Variants in TRIM25 observed in about 807,000 individuals in gnomAD.
TRIM25 encodes tripartite motif containing 25.
In TRIM25, 45 loss-of-function variants were observed where a neutral mutation model predicts 65.2. The ratio of observed to expected loss-of-function variants is 0.69; its 90% CI spans 0.54 to 0.89. The LOEUF is 0.89. Ranked by LOEUF, TRIM25 falls within the 40% of genes least tolerant of loss-of-function variation. TRIM25 has a pLI of 0.00. For synonymous variants in TRIM25, 321 were observed against 340.4 expected, an observed-to-expected ratio of 0.94 and a Z score of 0.63; for missense variants, 714 against 803.7, an observed-to-expected ratio of 0.89 and a Z score of 1.35.
At chr17:56,893,460 G>A (rs942788429) in intron 8 of TRIM25, among the ~76,000 whole-genome samples, 1 of 152,224 alleles carries the variant, frequency 6.6e-6, no homozygotes. Flanking sequence ...GCCTCTCTTG[G>A]GGGGCAGGGA....
Position 56,908,467 on chromosome 17 carries a change from C to T in TRIM25, c.693+1G>A. 2 of 1,613,702 alleles carry T rather than the reference C, an allele frequency of 1.2e-6. No individual in the cohort carries two copies. Among genetic ancestry groups the T allele is most frequent in the Non-Finnish European group, 1.7e-6 (2 of 1,180,030 alleles). ...TGGCCTTGGAGAGCCCTGCCACTCACCCGCACATCCTGCTGCCTGTTTCTC... is the reference window on the plus strand; with the variant it reads ...TGGCCTTGGAGAGCCCTGCCACTCATCCGCACATCCTGCTGCCTGTTTCTC... On this transcript the variant is annotated splice_donor_variant, in intron 2 of 8. Coordinates refer to ENST00000316881, the MANE Select transcript of TRIM25 (RefSeq NM_005082.5). LOFTEE classifies it high-confidence loss of function.
chr17:56,906,774 C>T (rs1008275318), intron 2 of TRIM25, among the ~76,000 whole-genome samples: 1 of 152,226 alleles, frequency 6.6e-6, no homozygotes, highest in East Asian at 1.9e-4. Context: ...GGATTACAGG[C>T]GTGAGCCATT....
At position 56,913,479 on chromosome 17, in the gene TRIM25, C is replaced by T; in HGVS notation, c.510G>A (p.Glu170=). The T allele has an allele frequency of 6.2e-7, 1 of 1,613,302 alleles. No individual in the cohort carries two copies. The highest frequency in any genetic ancestry group is 8.5e-7 in the Non-Finnish European group (1 of 1,179,558). Residue 170 remains glutamate (E), a synonymous_variant, in exon 1 of 9, where the codon GAG becomes GAA. Coordinates refer to ENST00000316881, the MANE Select transcript of TRIM25 (RefSeq NM_005082.5). The surrounding 1 kb of genome is among the most constrained non-coding windows in gnomAD (Gnocchi z 6.1). ...HNRLREFFCP[E]HSECICHICL... is the part of the protein sequence containing the mutation. ...AGATGTGGCAGATGCACTCGCTGTG[C>T]TCGGGGCAGAAAAATTCCCGCAGCC...
In TRIM25 at chr17:56,891,590, C is replaced by T. The variant is rs1262919541; in HGVS notation, c.*110G>A. On this transcript the variant is annotated 3_prime_UTR_variant, in exon 9 of 9. Coordinates refer to ENST00000316881, the MANE Select transcript of TRIM25 (RefSeq NM_005082.5). ...TCCCGCCAGCTCCCCTCCCATGCTC[C>T]CAATCCTTGGGACCTCTTGGGGAAT... The T allele has an allele frequency of 1.6e-6, 2 of 1,284,520 alleles. No individual in the cohort carries two copies. The highest frequency in any genetic ancestry group is 5.0e-5 in the East Asian group (2 of 39,976). The allele number at this position is 1,284,520 out of a possible 1,614,324, so 79.6% of individuals were successfully genotyped here. A position where few individuals can be genotyped will look rare whatever the true frequency, so the allele number is the denominator to read the frequency against.
chr17:56,900,455 T>A (rs1361643373), intron 4 of TRIM25, among the ~76,000 whole-genome samples: 1 of 151,974 alleles, frequency 6.6e-6, no homozygotes, highest in African/African-American at 2.4e-5. Context: ...TATACGGGGA[T>A]CCCAAGGAAG....
intron 3 of TRIM25, among the ~76,000 whole-genome samples, chr17:56,902,262 C>T (rs907995970): frequency 6.6e-6 from 1 of 152,222 alleles, no homozygotes; most frequent in South Asian, 2.1e-4. Flanking sequence ...TCCCCACCCC[C>T]TGATCTGAAC....
intron 1 of TRIM25, among the ~76,000 whole-genome samples, chr17:56,909,707 A>G (rs1342992727): frequency 1.3e-5 from 2 of 151,720 alleles, no homozygotes; most frequent in Non-Finnish European, 2.9e-5. Context: ...AAAAAGATGA[A>G]GTAGCTCACA....
intron 4 of TRIM25, 132 bp from the exon 5 acceptor site, chr17:56,899,312 C>A: frequency 2.5e-6 from 2 of 802,888 alleles, no homozygotes; most frequent in Non-Finnish European, 2.0e-6. Context: ...CCCATCCCAT[C>A]GCTTACAAGA....
At chr17:56,897,529 A>G (rs1909318503) in intron 5 of TRIM25, among the ~76,000 whole-genome samples, 1 of 152,090 alleles carries the variant, frequency 6.6e-6, no homozygotes, top group Non-Finnish European at 1.5e-5. Flanking sequence ...TGGGAGGCCC[A>G]GGCTGTGACA....
chr17:56,913,318 A>G lies in TRIM25; in HGVS notation c.597+74T>C, dbSNP rs1909665307. The G allele has an allele frequency of 7.2e-7, 1 of 1,397,192 alleles. No homozygotes were observed. The highest frequency in any genetic ancestry group is 9.6e-7 in the Non-Finnish European group (1 of 1,042,092). The allele number at this position is 1,397,192 out of a possible 1,614,324, so 86.5% of individuals were successfully genotyped here. The stretch of plus-strand genomic sequence containing the variant: ...CCCCAGGGCGTCCAGAGTGTGGCAG[A>G]GAGGCCCCCGGTGGCCCCTCTGCAC... On this transcript the variant is annotated intron_variant, in intron 1 of 8. Transcript: ENST00000316881. This position sits in a 1 kb window ranked among gnomAD's most constrained non-coding sequence, Gnocchi z 6.1.
At chr17:56,907,741 G>C (rs561755901) in intron 2 of TRIM25, among the ~76,000 whole-genome samples, 6 of 152,282 alleles carry the variant, frequency 3.9e-5, no homozygotes. Flanking sequence ...ACCAGAACCT[G>C]TGACTGTAAT....
chr17:56,902,313 A>G (rs192832402), intron 3 of TRIM25, among the ~76,000 whole-genome samples: 3 of 152,324 alleles, frequency 2.0e-5, no homozygotes, highest in African/African-American at 7.2e-5. Context: ...AGGTCACTCA[A>G]TCAATGGGGC....
intron 5 of TRIM25, 188 bp downstream of exon 5, chr17:56,898,927 C>A: frequency 1.6e-6 from 1 of 609,748 alleles, no homozygotes. Context: ...CCCAAACGTG[C>A]AATGCTGATG....
intron 4 of TRIM25, 102 bp from the exon 5 acceptor site, chr17:56,899,282 A>T (rs1909363179): frequency 1.2e-5 from 14 of 1,175,252 alleles, no homozygotes; most frequent in Middle Eastern, 1.9e-4. Flanking sequence ...TTACACAGAC[A>T]GCCATTTCCT....
rs1909677082 is a variant in TRIM25, at chr17:56,913,706, GGGCGGGCGGCGTCCAGACGTC to G, written c.262_282del (p.Asp88_Ala94del). ...GCATTCGGGCTGGGTGCAGAGGCGC[GGGCGGGCGGCGTCCAGACGTC>G]GGCGGGTGGCTCCCGGGCCAGGTCG... On this transcript the variant is annotated inframe_deletion, in exon 1 of 9. Transcript: ENST00000316881. The surrounding 1 kb of genome is among the most constrained non-coding windows in gnomAD (Gnocchi z 6.1). 3.2e-6 allele frequency: 5 copies of G among 1,572,278 alleles called. No individual in the cohort carries two copies. The Admixed American group carries it at 7.2e-5, about 23-fold the overall frequency.
At chr17:56,909,164 C>G (rs899316729) in intron 1 of TRIM25, among the ~76,000 whole-genome samples, 50 of 151,606 alleles carry the variant, frequency 3.3e-4, no homozygotes, top group African/African-American at 1.2e-3. Context: ...GGGAGATCTG[C>G]TAAAAGATGC....
intron 1 of TRIM25, among the ~76,000 whole-genome samples, chr17:56,910,560 G>A (rs990778652): frequency 2.0e-5 from 3 of 152,134 alleles, no homozygotes; most frequent in African/African-American, 4.8e-5. Context: ...ACTACACCCT[G>A]AGCCCTATAT....
chr17:56,904,367 C>T lies in TRIM25; in HGVS notation c.815G>A (p.Ser272Asn), dbSNP rs758712694. The T allele has an allele frequency of 2.5e-6, 4 of 1,614,054 alleles. No homozygotes were observed. In the East Asian group the frequency reaches 8.9e-5, roughly 36 times the overall value. The change falls in exon 3 of 9, where the codon AGC becomes AAC. Residue 272 changes from serine (S) to asparagine (N), a missense_variant. Coordinates refer to ENST00000316881, the MANE Select transcript of TRIM25 (RefSeq NM_005082.5). ...AATCTGATAAATGGTGTCAAACTTG[C>T]TGTTGACCCTCTTCTCCTCTTCCTT... ...KIKEEEKRVN[S>N]KFDTIYQILL...
rs187409862 is a variant in TRIM25, at chr17:56,899,779, G to A, written c.1088-599C>T. 3.7e-4 allele frequency among the ~76,000 whole-genome samples: 57 copies of A among 152,302 alleles called. 1 individual carries two copies. Among genetic ancestry groups the A allele is most frequent in the South Asian group, 2.1e-3 (10 of 4,830 alleles). ...CTGTGCTAGGCACTAGGGAAATAGC[G>A]TTGAAGAAAAATCAGACAGGCCAGG... On this transcript the variant is annotated intron_variant, in intron 4 of 8. Coordinates refer to ENST00000316881, the MANE Select transcript of TRIM25 (RefSeq NM_005082.5).
Sources: allele counts gnomAD v4.1 joint callset (sites outside exome capture counted in the v4.1 genomes callset), GRCh38; gene constraint gnomAD v4.1.1; non-coding constraint Gnocchi (gnomAD v3.1); transcripts MANE v1.5; gene names NCBI Gene and HGNC (gene_info 2026-07-23, HGNC 2026-07-21).